The following ANKRD17 variants were observed in gnomAD, a reference collection of about 807,000 sequenced individuals.
The protein encoded by ANKRD17 is ankyrin repeat domain 17.
ANKRD17 carries 19 observed loss-of-function variants against 229.7 expected under a neutral mutation model. That is an observed-to-expected ratio of 0.08 (90% confidence interval 0.06 to 0.12). ANKRD17 has a LOEUF of 0.12. Among genes scored for constraint, ANKRD17 ranks in the 10% least tolerant of loss-of-function variants. The pLI, the probability that ANKRD17 is intolerant of heterozygous loss-of-function variation, is 1.00. For missense variants in ANKRD17, 2,176 were observed against 3,176.8 expected (o/e 0.68, Z 7.57); for synonymous variants, 1,112 against 1,146.1 (o/e 0.97, Z 0.60).
At chr4:73,218,175 G>A (rs956996062) in intron 1 of ANKRD17, among the ~76,000 whole-genome samples, 2 of 152,164 alleles carry the variant, frequency 1.3e-5, no homozygotes, top group African/African-American at 4.8e-5. Context: ...ACATAAAGGT[G>A]TCCAGATAAA....
intron 2 of ANKRD17, among the ~76,000 whole-genome samples, chr4:73,174,093 A>AGAAGGGAGGAAGGAAGGAAG (rs1734402465): frequency 2.7e-5 from 3 of 111,200 alleles, no homozygotes; most frequent in Admixed American, 1.8e-4. Context: ...AAGGGAGGGG[A>AGAAGGGAGGAAGGAAGGAAG]GAAGGAAGGA....
At chr4:73,155,943 T>G in intron 4 of ANKRD17, 76 bp downstream of exon 4, 8 of 1,511,076 alleles carry the variant, frequency 5.3e-6, no homozygotes, top group Non-Finnish European at 7.1e-6. Flanking sequence ...TTGGAAGGAT[T>G]TATTTTATTA....
At chr4:73,219,232 G>A (rs758170585) in intron 1 of ANKRD17, among the ~76,000 whole-genome samples, 8 of 152,130 alleles carry the variant, frequency 5.3e-5, no homozygotes, top group Admixed American at 3.3e-4. Context: ...TTTTCCTAGT[G>A]AAAAATGTCA....
At chr4:73,251,035 C>T (rs1204757527) in intron 1 of ANKRD17, among the ~76,000 whole-genome samples, 1 of 152,100 alleles carries the variant, frequency 6.6e-6, no homozygotes, top group Non-Finnish European at 1.5e-5. Context: ...TTTTGGGAGC[C>T]TGCGGCAGGA....
intron 14 of ANKRD17, 131 bp from the exon 15 acceptor site, chr4:73,140,414 T>A: frequency 1.2e-6 from 1 of 840,934 alleles, no homozygotes; most frequent in Non-Finnish European, 1.6e-6. Context: ...AATGCACTGT[T>A]AAAAAATTAA....
rs1388121788 is a variant in ANKRD17, at chr4:73,173,709, GAGA to G, written c.547+3668_547+3670del. Reference sequence around the variant, plus strand: ...GGGAATCTGAAAATCCAGATCACAGGAGAAGGATTTAACCTCACCTATAACAAA... The same window carrying G: ...GGGAATCTGAAAATCCAGATCACAGGAGGATTTAACCTCACCTATAACAAA... On this transcript the variant is annotated intron_variant, in intron 2 of 33. Transcript: ENST00000358602. 3.9e-5 allele frequency among the ~76,000 whole-genome samples: 6 copies of G among 152,252 alleles called. No homozygotes were observed. The South Asian group carries it at 1.2e-3, about 32-fold the overall frequency.
intron 1 of ANKRD17, among the ~76,000 whole-genome samples, chr4:73,233,118 T>TTACC (rs1743211532): frequency 6.6e-6 from 1 of 152,172 alleles, no homozygotes; most frequent in South Asian, 2.1e-4. Context: ...ATAAGTCTTG[T>TTACC]TACCCTCCTG....
chr4:73,241,622 T>TA (rs1449021118), intron 1 of ANKRD17, among the ~76,000 whole-genome samples: 3 of 152,062 alleles, frequency 2.0e-5, no homozygotes, highest in African/African-American at 7.2e-5. Flanking sequence ...CCAATAAGGT[T>TA]AAAAACACAA....
intron 8 of ANKRD17, among the ~76,000 whole-genome samples, chr4:73,148,547 T>A (rs1272541840): frequency 6.6e-6 from 1 of 152,174 alleles, no homozygotes; most frequent in Non-Finnish European, 1.5e-5. Flanking sequence ...TTCCCCTATT[T>A]AACTCACAAG....
At chr4:73,103,565 T>C (rs924474678) in intron 24 of ANKRD17, among the ~76,000 whole-genome samples, 1 of 152,214 alleles carries the variant, frequency 6.6e-6, no homozygotes, top group Non-Finnish European at 1.5e-5. Context: ...CTTCAAACTC[T>C]GTCTGCATGT....
intron 2 of ANKRD17, among the ~76,000 whole-genome samples, chr4:73,167,243 G>C (rs1319566137): frequency 1.3e-5 from 2 of 152,022 alleles, no homozygotes; most frequent in Admixed American, 1.3e-4. Flanking sequence ...TTGTATGTGA[G>C]AATTTCCATT....
chr4:73,102,123 A>G (rs1413332824), intron 25 of ANKRD17, among the ~76,000 whole-genome samples: 1 of 152,004 alleles, frequency 6.6e-6, no homozygotes, highest in Non-Finnish European at 1.5e-5. Context: ...GATAATTAAA[A>G]AAAATTTTTT....
In ANKRD17 at chr4:73,092,072, G is replaced by C. The variant is rs554896080; in HGVS notation, c.5556C>G (p.Leu1852=). 132 of 1,614,228 alleles carry C rather than the reference G, an allele frequency of 8.2e-5. 4 individuals carry two copies. In the South Asian group the frequency reaches 1.1e-3, roughly 14 times the overall value. The change falls in exon 29 of 34, where the codon CTC becomes CTG. Residue 1852 remains leucine, a synonymous_variant. Transcript: ENST00000358602. ...LSSTSQTATA[L]TVPAISSAST... ...ATGCAGAAGAAATTGCAGGCACAGT[G>C]AGTGCTGTGGCAGTTTGAGATGTTG...
At chr4:73,215,192 A>T (rs1204440431) in intron 1 of ANKRD17, among the ~76,000 whole-genome samples, 7 of 152,154 alleles carry the variant, frequency 4.6e-5, no homozygotes, top group Admixed American at 4.6e-4. Context: ...AATTTTGGAG[A>T]TCTTATATCT....
chr4:73,079,104 A>G (rs1461564612), intron 30 of ANKRD17, among the ~76,000 whole-genome samples: 1 of 152,248 alleles, frequency 6.6e-6, no homozygotes, highest in Non-Finnish European at 1.5e-5. Flanking sequence ...ATGTTCAACT[A>G]CAAAGGTAAT....
intron 1 of ANKRD17, among the ~76,000 whole-genome samples, chr4:73,187,396 C>T (rs959253095): frequency 1.3e-5 from 2 of 152,130 alleles, no homozygotes; most frequent in African/African-American, 4.8e-5. Context: ...ATATGATTCA[C>T]TAAAGTTATA....
chr4:73,154,919 T>C (rs1305374944), intron 5 of ANKRD17, among the ~76,000 whole-genome samples: 1 of 151,532 alleles, frequency 6.6e-6, no homozygotes, highest in Non-Finnish European at 1.5e-5. Flanking sequence ...CAGGCGCCTG[T>C]AGTCCCAGCT....
intron 29 of ANKRD17, among the ~76,000 whole-genome samples, chr4:73,087,315 C>T (rs1209773222): frequency 5.3e-5 from 8 of 151,988 alleles, no homozygotes; most frequent in Non-Finnish European, 1.5e-5. Flanking sequence ...AAATTTCTGG[C>T]CTCAAATGAG....
intron 13 of ANKRD17, 78 bp from the exon 14 acceptor site, chr4:73,141,921 T>C (rs975987515): frequency 9.0e-6 from 10 of 1,116,566 alleles, no homozygotes; most frequent in Non-Finnish European, 1.3e-5. Context: ...AAGAATAAAT[T>C]AGAGATTTTT....
Sources: gnomAD v4.1 joint callset for allele counts (sites outside exome capture counted in the v4.1 genomes callset) on GRCh38, gnomAD v4.1.1 for gene constraint, MANE v1.5 for transcripts, NCBI Gene and HGNC (gene_info 2026-07-23, HGNC 2026-07-21) for gene names.